NALF1: variants seen among roughly 807,000 people sequenced by gnomAD.
The protein encoded by NALF1 is family with sequence similarity 155 member A.
A neutral mutation model predicts 48.4 loss-of-function variants in NALF1; 3 were observed. That is an observed-to-expected ratio of 0.06 (90% CI 0.03 to 0.16). NALF1 has a LOEUF of 0.16. Ranked by LOEUF, NALF1 falls within the 10% of genes least tolerant of loss-of-function variation. The probability of loss-of-function intolerance (pLI) is 1.00; values close to 1 mark genes in which losing one functional copy is unlikely to be tolerated. For synonymous variants in NALF1, 262 were observed against 245.7 expected (o/e 1.07, Z -0.62); for missense variants, 526 against 571.5 (o/e 0.92, Z 0.81).
intron 1 of NALF1, among the ~76,000 whole-genome samples, chr13:107,381,782 C>T (rs899038260): frequency 6.6e-6 from 1 of 152,168 alleles, no homozygotes; most frequent in African/African-American, 2.4e-5. Flanking sequence ...GTTCTCAATA[C>T]TGTGTCGCTA....
At chr13:107,446,141 G>A (rs1273973308) in intron 1 of NALF1, among the ~76,000 whole-genome samples, 1 of 152,074 alleles carries the variant, frequency 6.6e-6, no homozygotes, top group Admixed American at 6.6e-5. Context: ...GTTTCACCAT[G>A]TTCGCCAGGA....
intron 1 of NALF1, among the ~76,000 whole-genome samples, chr13:107,781,234 AGAAT>A (rs1436155506): frequency 5.3e-5 from 8 of 152,334 alleles, no homozygotes; most frequent in Non-Finnish European, 1.2e-4. Context: ...CTGCAAAAAA[AGAAT>A]GTTCATTTTT....
At chr13:107,772,315 G>A (rs1472442389) in intron 1 of NALF1, among the ~76,000 whole-genome samples, 2 of 151,912 alleles carry the variant, frequency 1.3e-5, no homozygotes, top group Admixed American at 1.3e-4. Context: ...CTTCTCTTGG[G>A]GTCTGGATAG....
intron 2 of NALF1, among the ~76,000 whole-genome samples, chr13:107,204,036 AGGT>A (rs2138797469): frequency 6.8e-6 from 1 of 146,010 alleles, no homozygotes; most frequent in East Asian, 2.0e-4. Context: ...CCTGCTCTCC[AGGT>A]GAGCTGGAGG....
At chr13:107,239,909 T>C (rs1880433149) in intron 1 of NALF1, among the ~76,000 whole-genome samples, 1 of 152,128 alleles carries the variant, frequency 6.6e-6, no homozygotes, top group Non-Finnish European at 1.5e-5. Flanking sequence ...AGAGGGACCA[T>C]GGGAAGGAAT....
chr13:107,654,665 T>C (rs1880530922), intron 1 of NALF1, among the ~76,000 whole-genome samples: 1 of 151,256 alleles, frequency 6.6e-6, no homozygotes, highest in Non-Finnish European at 1.5e-5. Flanking sequence ...ATCACCCTAA[T>C]ACCAAAACCA....
At chr13:107,187,257 G>T (rs148121298) in intron 2 of NALF1, among the ~76,000 whole-genome samples, 1 of 152,266 alleles carries the variant, frequency 6.6e-6, no homozygotes, top group African/African-American at 2.4e-5. Context: ...ATATTTACAG[G>T]CATAAACCAG....
intron 1 of NALF1, among the ~76,000 whole-genome samples, chr13:107,252,794 C>A (rs142095285): frequency 5.8e-4 from 89 of 152,316 alleles, no homozygotes; most frequent in African/African-American, 2.1e-3. Flanking sequence ...ATATCTCAAA[C>A]TTACTGCAGA....
At chr13:107,464,837 A>G (rs1161486245) in intron 1 of NALF1, among the ~76,000 whole-genome samples, 1 of 152,172 alleles carries the variant, frequency 6.6e-6, no homozygotes. Flanking sequence ...AAATTTTTAG[A>G]CCATTTTGTT....
chr13:107,294,562 T>C (rs1368628682), intron 1 of NALF1, among the ~76,000 whole-genome samples: 2 of 152,212 alleles, frequency 1.3e-5, no homozygotes, highest in Non-Finnish European at 2.9e-5. Context: ...TGTGCAAGAT[T>C]CTCTTCTAAG....
chr13:107,765,936 T>C (rs1479165534), intron 1 of NALF1, among the ~76,000 whole-genome samples: 1 of 152,218 alleles, frequency 6.6e-6, no homozygotes, highest in Admixed American at 6.5e-5. Context: ...CTAGCTGTTT[T>C]AAATTCCTCT....
At chr13:107,407,271 T>C (rs1458745553) in intron 1 of NALF1, among the ~76,000 whole-genome samples, 2 of 151,906 alleles carry the variant, frequency 1.3e-5, no homozygotes, top group South Asian at 2.1e-4. Context: ...TGAGATCATA[T>C]CAAGTTTAAA....
chr13:107,182,231 TGTGTGTGTGTGTGTGTGTGTCC>T (rs1051506535), intron 2 of NALF1, among the ~76,000 whole-genome samples: 4 of 105,544 alleles, frequency 3.8e-5, no homozygotes, highest in African/African-American at 1.4e-4. Context: ...TTATGCTGTG[TGTGTGTGTGTGTGTGTGTGTCC>T]GTGTGTGTGT....
intron 1 of NALF1, among the ~76,000 whole-genome samples, chr13:107,862,847 G>A (rs1042878076): frequency 6.6e-6 from 1 of 151,652 alleles, no homozygotes; most frequent in Admixed American, 6.6e-5. Context: ...AATGAGGGCA[G>A]AATATGTAAC....
chr13:107,680,947 CAGTGTG>C (rs1477166908), intron 1 of NALF1, among the ~76,000 whole-genome samples: 1 of 64,808 alleles, frequency 1.5e-5, no homozygotes, highest in African/African-American at 4.4e-5. Flanking sequence ...ATGAGTGTAA[CAGTGTG>C]TGTGTGTGTG....
intron 1 of NALF1, among the ~76,000 whole-genome samples, chr13:107,575,876 C>T (rs1296256620): frequency 6.6e-6 from 1 of 151,774 alleles, no homozygotes; most frequent in Non-Finnish European, 1.5e-5. Context: ...AAATGAAGTG[C>T]AAAGACGTAT....
intron 1 of NALF1, among the ~76,000 whole-genome samples, chr13:107,587,791 T>C (rs1361038672): frequency 1.3e-5 from 2 of 152,172 alleles, no homozygotes; most frequent in Non-Finnish European, 2.9e-5. Context: ...TTGTTGTCCA[T>C]AATTTTGTTT....
At chr13:107,776,205 C>G (rs1371036709) in intron 1 of NALF1, among the ~76,000 whole-genome samples, 1 of 152,144 alleles carries the variant, frequency 6.6e-6, no homozygotes, top group Non-Finnish European at 1.5e-5. Context: ...CAATAGAGGG[C>G]AGTGATGAAT....
chr13:107,641,057 A>G (rs1355075805), intron 1 of NALF1, among the ~76,000 whole-genome samples: 3 of 152,216 alleles, frequency 2.0e-5, no homozygotes, highest in South Asian at 2.1e-4. Context: ...TTGACACACA[A>G]TGAAATATCT....
Sources: gnomAD v4.1 joint callset for allele counts (sites outside exome capture counted in the v4.1 genomes callset) on GRCh38, gnomAD v4.1.1 for gene constraint, MANE v1.5 for transcripts, NCBI Gene and HGNC (gene_info 2026-07-23, HGNC 2026-07-21) for gene names.